The following COL21A1 variants were observed in gnomAD, a reference collection of about 807,000 sequenced individuals.
COL21A1 encodes collagen type XXI alpha 1 chain, also known as collagen alpha-1(XXI) chain.
COL21A1 carries 149 observed loss-of-function variants against 137.9 expected under a neutral mutation model. That is an observed-to-expected ratio of 1.08 (90% CI 0.95 to 1.24). The LOEUF (loss-of-function observed/expected upper bound fraction) is 1.24, where lower values mean the gene tolerates loss of function less well. Ranked by LOEUF, COL21A1 falls within the 50% of genes most tolerant of loss-of-function variation. The probability of loss-of-function intolerance (pLI) is 0.00; values close to 1 mark genes in which losing one functional copy is unlikely to be tolerated. For missense variants in COL21A1, 1,167 were observed against 1,158.4 expected (o/e 1.01, Z -0.11); for synonymous variants, 456 against 391.5 (o/e 1.16, Z -1.95).
chr6:56,386,569 C>A (rs151228071), intron 1 of COL21A1, among the ~76,000 whole-genome samples: 24 of 150,602 alleles, frequency 1.6e-4, no homozygotes, highest in South Asian at 4.3e-4. Flanking sequence ...GTTCCAATTT[C>A]TTCGCATTCT....
At chr6:56,302,935 G>A (rs899794763) in intron 1 of COL21A1, among the ~76,000 whole-genome samples, 4 of 152,080 alleles carry the variant, frequency 2.6e-5, no homozygotes, top group African/African-American at 9.7e-5. Flanking sequence ...TCCAGTTTCA[G>A]CTTTCTACAT....
In COL21A1 at chr6:56,171,100, C is replaced by T. The variant is rs767664573; in HGVS notation, c.669G>A (p.Val223=). 6.2e-7 allele frequency: 1 copy of T among 1,605,910 alleles called. No homozygotes were observed. Among genetic ancestry groups the T allele is most frequent in the South Asian group, 1.1e-5 (1 of 89,456 alleles). ...EESVCPTRIP[V]AARDERGFDI... is the part of the protein sequence containing the mutation. ...CAAATCCCCTTTCATCACGAGCTGC[C>T]ACTGGAATTCGTGTTGGACAGACAG... Residue 223 remains valine (V), a synonymous_variant, in exon 4 of 30, where the codon GTG becomes GTA. Transcript: ENST00000244728.
At chr6:56,306,853 T>C (rs1419743350) in intron 1 of COL21A1, among the ~76,000 whole-genome samples, 2 of 152,136 alleles carry the variant, frequency 1.3e-5, no homozygotes, top group Non-Finnish European at 2.9e-5. Flanking sequence ...TCTTTGTGGT[T>C]TTATCTACCT....
intron 1 of COL21A1, among the ~76,000 whole-genome samples, chr6:56,210,185 C>T (rs1255528757): frequency 3.3e-5 from 5 of 152,024 alleles, no homozygotes; most frequent in Non-Finnish European, 5.9e-5. Context: ...CAGCAAACCA[C>T]CATGGCATGT....
chr6:56,323,849 G>A (rs1021096176), intron 1 of COL21A1, among the ~76,000 whole-genome samples: 1 of 152,094 alleles, frequency 6.6e-6, no homozygotes, highest in Non-Finnish European at 1.5e-5. Flanking sequence ...GATGTAGCCT[G>A]AAGTAAAAAT....
At chr6:56,361,735 TTA>T (rs1428370190) in intron 1 of COL21A1, among the ~76,000 whole-genome samples, 5 of 151,858 alleles carry the variant, frequency 3.3e-5, no homozygotes, top group Non-Finnish European at 7.4e-5. Context: ...CTCTGTGGGG[TTA>T]TGAGTGATGG....
At chr6:56,065,040 A>G (rs1431593046) in intron 23 of COL21A1, among the ~76,000 whole-genome samples, 1 of 151,962 alleles carries the variant, frequency 6.6e-6, no homozygotes, top group African/African-American at 2.4e-5. Flanking sequence ...ATTTTTAAAA[A>G]TTAAAATATA....
At chr6:56,320,718 A>T (rs1764844594) in intron 1 of COL21A1, among the ~76,000 whole-genome samples, 1 of 152,132 alleles carries the variant, frequency 6.6e-6, no homozygotes, top group Non-Finnish European at 1.5e-5. Flanking sequence ...GTACCTTCAC[A>T]TCTTTCAGAT....
intron 12 of COL21A1, among the ~76,000 whole-genome samples, chr6:56,129,057 C>T (rs1027182191): frequency 5.9e-5 from 9 of 152,300 alleles, no homozygotes; most frequent in South Asian, 2.1e-4. Flanking sequence ...GTTTCTGCTA[C>T]GGTGGAGGAC....
intron 1 of COL21A1, among the ~76,000 whole-genome samples, chr6:56,370,240 G>A (rs1438233955): frequency 6.6e-6 from 1 of 152,150 alleles, no homozygotes; most frequent in Non-Finnish European, 1.5e-5. Flanking sequence ...TAGGCTCCTG[G>A]ATTGCCTGAT....
At chr6:56,392,019 A>T (rs1263138639) in intron 1 of COL21A1, among the ~76,000 whole-genome samples, 1 of 152,106 alleles carries the variant, frequency 6.6e-6, no homozygotes, top group Non-Finnish European at 1.5e-5. Context: ...GGCCACTATT[A>T]CCCTCATATC....
At chr6:56,331,228 T>G (rs1227981008) in intron 1 of COL21A1, among the ~76,000 whole-genome samples, 1 of 152,050 alleles carries the variant, frequency 6.6e-6, no homozygotes, top group Non-Finnish European at 1.5e-5. Flanking sequence ...TTTGTCAATA[T>G]TTTCTTCCAT....
intron 10 of COL21A1, among the ~76,000 whole-genome samples, chr6:56,153,208 A>G (rs1775458365): frequency 6.6e-6 from 1 of 152,168 alleles, no homozygotes; most frequent in Non-Finnish European, 1.5e-5. Context: ...TCATTCAAAT[A>G]GAAGCTGTCT....
intron 12 of COL21A1, among the ~76,000 whole-genome samples, chr6:56,129,212 G>A (rs1003089267): frequency 6.6e-6 from 1 of 152,142 alleles, no homozygotes; most frequent in African/African-American, 2.4e-5. Flanking sequence ...AACCTGTGGA[G>A]TATCTGTGCA....
chr6:56,075,250 T>A (rs1767115145), intron 19 of COL21A1, among the ~76,000 whole-genome samples: 1 of 151,492 alleles, frequency 6.6e-6, no homozygotes, highest in African/African-American at 2.4e-5. Context: ...TTAGGGTCCC[T>A]GATGTTTTTT....
intron 1 of COL21A1, among the ~76,000 whole-genome samples, chr6:56,193,546 C>A (rs1295032139): frequency 1.3e-5 from 2 of 152,048 alleles, no homozygotes; most frequent in Admixed American, 6.5e-5. Context: ...CACAAGTAAA[C>A]TTCCTGGGTA....
At chr6:56,190,966 A>G (rs1778633721) in intron 1 of COL21A1, among the ~76,000 whole-genome samples, 1 of 152,250 alleles carries the variant, frequency 6.6e-6, no homozygotes, top group African/African-American at 2.4e-5. Flanking sequence ...TAAAATAGTA[A>G]AGCTATTTAT....
intron 10 of COL21A1, among the ~76,000 whole-genome samples, chr6:56,153,280 A>G (rs16887606): frequency 0.03 from 4,629 of 152,214 alleles, 174 homozygotes; most frequent in African/African-American, 0.084. Flanking sequence ...CAGTGCTATC[A>G]GCTTGACTTC....
chr6:56,270,666 TC>T (rs757347457), intron 1 of COL21A1, among the ~76,000 whole-genome samples: 42 of 152,280 alleles, frequency 2.8e-4, no homozygotes, highest in Non-Finnish European at 5.7e-4. Context: ...CAAATTGTAA[TC>T]CCCACGTGTC....
Sources: allele counts gnomAD v4.1 joint callset (sites outside exome capture counted in the v4.1 genomes callset), GRCh38; gene constraint gnomAD v4.1.1; transcripts MANE v1.5; gene names NCBI Gene and HGNC (gene_info 2026-07-23, HGNC 2026-07-21).